Variants in PALM2AKAP2 observed in about 807,000 individuals in gnomAD.
PALM2AKAP2 encodes PALM2-AKAP2 fusion protein.
Under a neutral mutation model 71.5 loss-of-function variants are expected in PALM2AKAP2, and 37 were observed. The observed-to-expected ratio is 0.52, with a 90% CI of 0.40 to 0.68. The LOEUF (loss-of-function observed/expected upper bound fraction) is 0.68, where lower values mean the gene tolerates loss of function less well. Among genes scored for constraint, PALM2AKAP2 ranks in the 30% least tolerant of loss-of-function variants. The pLI, the probability that PALM2AKAP2 is intolerant of heterozygous loss-of-function variation, is 0.00. For missense variants in PALM2AKAP2, 1,224 were observed against 1,191.8 expected (o/e 1.03, Z -0.40); for synonymous variants, 468 against 478.8 (o/e 0.98, Z 0.29).
At chr9:110,090,437 C>T (rs6477737) in intron 1 of PALM2AKAP2, 102,935 of 456,412 alleles carry the variant, frequency 0.23, 15,077 homozygotes, top group African/African-American at 0.53. Context: ...GTTACTTTTA[C>T]TGTGGACTTT....
chr9:109,935,913 T>C (rs935393037), intron 6 of PALM2AKAP2, among the ~76,000 whole-genome samples: 1 of 152,224 alleles, frequency 6.6e-6, no homozygotes, highest in Non-Finnish European at 1.5e-5. Context: ...CTTTACAGGC[T>C]GAAAACTCTC....
At chr9:109,678,137 G>C (rs1343065117) in intron 1 of PALM2AKAP2, among the ~76,000 whole-genome samples, 1 of 152,164 alleles carries the variant, frequency 6.6e-6, no homozygotes, top group Middle Eastern at 3.2e-3. Flanking sequence ...AGTGAGGCTT[G>C]AGAGAAGGGT....
intron 1 of PALM2AKAP2, among the ~76,000 whole-genome samples, chr9:110,125,162 C>G (rs1379539351): frequency 6.6e-6 from 1 of 152,190 alleles, no homozygotes; most frequent in African/African-American, 2.4e-5. Context: ...CAGGGTCTTT[C>G]AGATTTTTTG....
At chr9:109,779,945 C>A (rs960649562), upstream of PALM2AKAP2, among the ~76,000 whole-genome samples, 3 of 152,076 alleles carry the variant, frequency 2.0e-5, no homozygotes, top group Non-Finnish European at 4.4e-5. Flanking sequence ...TGCCTCCGCC[C>A]CAGCAAGCGC....
In PALM2AKAP2 at chr9:110,048,816, A is replaced by G. The variant is rs537341780; in HGVS notation, c.117A>G (p.Ala39=). The G allele has an allele frequency of 2.0e-4, 299 of 1,531,746 alleles. 2 individuals are homozygous for G. The highest frequency in any genetic ancestry group is 1.3e-3 in the Middle Eastern group (7 of 5,490). 94.9% of individuals were successfully genotyped at this position (1,531,746 alleles called of 1,614,324 possible). ...CGGCCGCGCGGCGCTGGACTGGAGC[A>G]GAACCCCAGGACTGCGCCCCCGGGA... Residue 39 remains alanine (A), a synonymous_variant, in exon 1 of 4, where the codon GCA becomes GCG. Coordinates refer to ENST00000374525, the Ensembl canonical transcript of PALM2AKAP2.
chr9:110,096,950 TTATTTATTTATTA>T (rs1161983303), intron 1 of PALM2AKAP2, among the ~76,000 whole-genome samples: 11 of 145,646 alleles, frequency 7.6e-5, no homozygotes, highest in African/African-American at 2.4e-4. Flanking sequence ...ATTTATTTAT[TTATTTATTTATTA>T]TTTTTTTTAT....
chr9:109,906,116 A>G (rs897376206), intron 3 of PALM2AKAP2, among the ~76,000 whole-genome samples: 1 of 152,196 alleles, frequency 6.6e-6, no homozygotes, highest in Non-Finnish European at 1.5e-5. Flanking sequence ...GCTGGAAAGA[A>G]GAGGAAAATC....
chr9:109,765,849 T>C (rs1442504925), intron 1 of PALM2AKAP2, among the ~76,000 whole-genome samples: 1 of 152,176 alleles, frequency 6.6e-6, no homozygotes, highest in Non-Finnish European at 1.5e-5. Context: ...CATCAGGTTT[T>C]AGGGGATGAG....
intron 1 of PALM2AKAP2, among the ~76,000 whole-genome samples, chr9:110,133,117 G>A (rs1835771581): frequency 6.6e-6 from 1 of 152,168 alleles, no homozygotes; most frequent in African/African-American, 2.4e-5. Flanking sequence ...GCCTTGGAAA[G>A]AGCTGATACA....
chr9:109,905,976 C>A (rs1273418697), intron 3 of PALM2AKAP2, among the ~76,000 whole-genome samples: 1 of 151,964 alleles, frequency 6.6e-6, no homozygotes, highest in Non-Finnish European at 1.5e-5. Flanking sequence ...AATAAATAAA[C>A]AAATAAACTT....
At chr9:109,717,728 G>A (rs1443865185) in intron 1 of PALM2AKAP2, among the ~76,000 whole-genome samples, 3 of 152,220 alleles carry the variant, frequency 2.0e-5, no homozygotes, top group African/African-American at 7.2e-5. Context: ...TTTCCCTGAG[G>A]AGAGCTTGCA....
At chr9:109,992,721 G>A (rs150269824) in intron 6 of PALM2AKAP2, among the ~76,000 whole-genome samples, 6 of 152,078 alleles carry the variant, frequency 3.9e-5, no homozygotes, top group Admixed American at 2.0e-4. Flanking sequence ...AGGTGTAAGC[G>A]CTAAAGAGAG....
At chr9:109,969,088 GCA>G (rs34057385) in intron 6 of PALM2AKAP2, among the ~76,000 whole-genome samples, 116 of 149,648 alleles carry the variant, frequency 7.8e-4, no homozygotes, top group Middle Eastern at 3.4e-3. Flanking sequence ...AAATGTGCGT[GCA>G]CACACACACA....
chr9:109,649,887 C>G (rs1423846616), intron 1 of PALM2AKAP2, among the ~76,000 whole-genome samples: 1 of 152,184 alleles, frequency 6.6e-6, no homozygotes, highest in Non-Finnish European at 1.5e-5. Flanking sequence ...GATCACATAT[C>G]CCAGCTTACT....
At chr9:110,024,813 C>G in intron 7 of PALM2AKAP2, 2 of 661,304 alleles carry the variant, frequency 3.0e-6, no homozygotes, top group Non-Finnish European at 5.3e-6. Flanking sequence ...ATGCCAGTGT[C>G]TTGGGTTTTT....
At chr9:109,726,490 G>A (rs1439617134) in intron 1 of PALM2AKAP2, among the ~76,000 whole-genome samples, 6 of 152,312 alleles carry the variant, frequency 3.9e-5, no homozygotes, top group Admixed American at 1.3e-4. Flanking sequence ...CAGCCTCCAC[G>A]CCTGGGTTGC....
At chr9:109,682,991 A>G (rs926401466) in intron 1 of PALM2AKAP2, among the ~76,000 whole-genome samples, 16 of 152,304 alleles carry the variant, frequency 1.1e-4, no homozygotes, top group African/African-American at 3.6e-4. Context: ...TGGATTTCTC[A>G]TGAATAGTTT....
intron 1 of PALM2AKAP2, among the ~76,000 whole-genome samples, chr9:110,057,251 A>G (rs1291272570): frequency 6.6e-6 from 1 of 151,966 alleles, no homozygotes; most frequent in Non-Finnish European, 1.5e-5. Context: ...CTTAATCTTT[A>G]TAGTCACCAG....
chr9:110,164,244 G>C (rs1483495545), intron 3 of PALM2AKAP2, among the ~76,000 whole-genome samples: 1 of 151,982 alleles, frequency 6.6e-6, no homozygotes, highest in Non-Finnish European at 1.5e-5. Flanking sequence ...GATAGAGTTG[G>C]GCCCACTCTG....
Sources: gnomAD v4.1 joint callset for allele counts (sites outside exome capture counted in the v4.1 genomes callset) on GRCh38, gnomAD v4.1.1 for gene constraint, MANE v1.5 for transcripts, NCBI Gene and HGNC (gene_info 2026-07-23, HGNC 2026-07-21) for gene names.